CNTN5: variants seen among roughly 807,000 people sequenced by gnomAD.
The protein encoded by CNTN5 is contactin 5.
In CNTN5, 77 loss-of-function variants were observed where a neutral mutation model predicts 129.1. That is an observed-to-expected ratio of 0.60 (90% confidence interval 0.50 to 0.72). CNTN5 has a LOEUF of 0.72. CNTN5 is among the 30% of genes least tolerant of loss of function. CNTN5 has a pLI of 0.00. For missense variants in CNTN5, 1,478 were observed against 1,328.8 expected, an observed-to-expected ratio of 1.11 and a Z score of -1.75; for synonymous variants, 509 against 465.6, an observed-to-expected ratio of 1.09 and a Z score of -1.20.
chr11:99,936,280 A>C (rs965860087), intron 7 of CNTN5, among the ~76,000 whole-genome samples: 1 of 152,238 alleles, frequency 6.6e-6, no homozygotes, highest in Non-Finnish European at 1.5e-5. Context: ...AAATATAACA[A>C]GCATGTTGCC....
At chr11:99,843,395 C>A (rs1207668237) in intron 4 of CNTN5, among the ~76,000 whole-genome samples, 1 of 152,160 alleles carries the variant, frequency 6.6e-6, no homozygotes, top group African/African-American at 2.4e-5. Context: ...GAAAGCAAAT[C>A]ATTTTACTCC....
rs111672166 is a variant in CNTN5 at position 99,355,768 on chromosome 11, TA to T, written c.-71+30286del. Among the ~76,000 whole-genome samples the T allele has an allele frequency of 5.8e-3, 881 of 152,034 alleles. 12 individuals carry two copies. The highest frequency in any genetic ancestry group is 0.019 in the African/African-American group (797 of 41,488). The stretch of plus-strand genomic sequence containing the variant: ...TTTAGACAGCCTATAATATCGGCCT[TA>T]ACTAGTTTATTGTCCTCATGGTCAC... On this transcript the variant is annotated intron_variant, in intron 2 of 24. Coordinates refer to ENST00000524871, the MANE Select transcript of CNTN5 (RefSeq NM_014361.4).
At chr11:99,036,587 T>A (rs906830541) in intron 1 of CNTN5, among the ~76,000 whole-genome samples, 8 of 152,132 alleles carry the variant, frequency 5.3e-5, no homozygotes, top group African/African-American at 1.9e-4. Context: ...TATGAGTGGA[T>A]CTTGAAGTAG....
chr11:99,814,673 G>T (rs182279140), intron 3 of CNTN5, among the ~76,000 whole-genome samples: 1 of 152,212 alleles, frequency 6.6e-6, no homozygotes, highest in Admixed American at 6.5e-5. Context: ...GGAAATGGAG[G>T]GAGTTGAGGA....
chr11:100,348,668 G>T (rs1053033411), intron 23 of CNTN5, among the ~76,000 whole-genome samples: 1 of 151,904 alleles, frequency 6.6e-6, no homozygotes, highest in African/African-American at 2.4e-5. Flanking sequence ...TCACATGGAT[G>T]ATCAGAATTC....
chr11:99,531,082 A>T (rs547644072), intron 2 of CNTN5, among the ~76,000 whole-genome samples: 2 of 152,182 alleles, frequency 1.3e-5, no homozygotes, highest in African/African-American at 4.8e-5. Context: ...AAGAGTTTGG[A>T]ACTTCCTAGA....
intron 8 of CNTN5, among the ~76,000 whole-genome samples, chr11:99,988,923 A>G (rs922816351): frequency 6.6e-6 from 1 of 151,816 alleles, no homozygotes; most frequent in African/African-American, 2.4e-5. Flanking sequence ...AGTCACCTTA[A>G]TATTATTTGT....
At chr11:99,487,926 G>A (rs1400668913) in intron 2 of CNTN5, among the ~76,000 whole-genome samples, 1 of 152,134 alleles carries the variant, frequency 6.6e-6, no homozygotes, top group Non-Finnish European at 1.5e-5. Flanking sequence ...GAAAGAGTGG[G>A]AGAAGATTTA....
intron 6 of CNTN5, among the ~76,000 whole-genome samples, chr11:99,878,464 A>G (rs768035044): frequency 1.3e-4 from 20 of 152,354 alleles, no homozygotes; most frequent in Non-Finnish European, 2.4e-4. Context: ...GGCATGTGCA[A>G]TAGGTGTCAT....
intron 3 of CNTN5, among the ~76,000 whole-genome samples, chr11:99,775,959 T>G (rs186678571): frequency 1.3e-5 from 2 of 152,172 alleles, no homozygotes; most frequent in African/African-American, 4.8e-5. Context: ...ATGCTTAGAG[T>G]AATTTGGAGA....
At chr11:100,271,066 A>T (rs758185209) in intron 17 of CNTN5, 26 bp from the exon 18 acceptor site, 7 of 1,567,478 alleles carry the variant, frequency 4.5e-6, no homozygotes, top group Middle Eastern at 3.4e-4. Flanking sequence ...CCTCATAATG[A>T]CATGAAATTT....
At chr11:99,963,133 C>G (rs1714378125) in intron 8 of CNTN5, among the ~76,000 whole-genome samples, 1 of 152,136 alleles carries the variant, frequency 6.6e-6, no homozygotes, top group Non-Finnish European at 1.5e-5. Flanking sequence ...ATGGTAGTTT[C>G]TTTTGCTGTG....
chr11:100,214,483 A>T (rs1949099960), intron 15 of CNTN5, among the ~76,000 whole-genome samples: 1 of 152,156 alleles, frequency 6.6e-6, no homozygotes, highest in South Asian at 2.1e-4. Flanking sequence ...AAATCTCCTT[A>T]CATAAACCCA....
At chr11:100,062,818 C>T (rs970091925) in intron 10 of CNTN5, among the ~76,000 whole-genome samples, 13 of 152,188 alleles carry the variant, frequency 8.5e-5, no homozygotes, top group Non-Finnish European at 1.9e-4. Context: ...AAGTTTATAA[C>T]TGTTCATAAT....
At chr11:99,501,632 A>G (rs1038310841) in intron 2 of CNTN5, among the ~76,000 whole-genome samples, 5 of 152,204 alleles carry the variant, frequency 3.3e-5, no homozygotes, top group Admixed American at 3.3e-4. Flanking sequence ...TCCACAGGTA[A>G]AAGATATTTT....
At chr11:99,752,649 T>C (rs536574105) in intron 3 of CNTN5, among the ~76,000 whole-genome samples, 2 of 152,344 alleles carry the variant, frequency 1.3e-5, no homozygotes, top group African/African-American at 4.8e-5. Flanking sequence ...AGGTTTGAGT[T>C]TATTATTTAT....
chr11:100,309,368 C>A (rs1014630809), intron 21 of CNTN5: 17 of 975,466 alleles, frequency 1.7e-5, no homozygotes, highest in Non-Finnish European at 2.1e-5. Context: ...TAATGCCCAA[C>A]AATTATTTGA....
At chr11:99,546,052 G>A (rs1385905326) in intron 2 of CNTN5, among the ~76,000 whole-genome samples, 2 of 152,120 alleles carry the variant, frequency 1.3e-5, no homozygotes, top group Non-Finnish European at 2.9e-5. Context: ...CTGCTGACCA[G>A]GAATGAGAAG....
intron 1 of CNTN5, among the ~76,000 whole-genome samples, chr11:99,079,677 C>G (rs1055683258): frequency 3.3e-5 from 5 of 152,186 alleles, no homozygotes; most frequent in Non-Finnish European, 7.3e-5. Flanking sequence ...TGTAGTTTAT[C>G]CTCGAGCCAA....
Sources: allele counts gnomAD v4.1 joint callset (sites outside exome capture counted in the v4.1 genomes callset), GRCh38; gene constraint gnomAD v4.1.1; transcripts MANE v1.5; gene names NCBI Gene and HGNC (gene_info 2026-07-23, HGNC 2026-07-21).